Variants in TRIM33 observed in about 807,000 individuals in gnomAD.
TRIM33 encodes the protein E3 ubiquitin-protein ligase TRIM33.
Under a neutral mutation model 125.4 loss-of-function variants are expected in TRIM33, and 20 were observed. The observed-to-expected ratio is 0.16, with a 90% confidence interval of 0.11 to 0.23. TRIM33 has a LOEUF of 0.23. Ranked by LOEUF, TRIM33 falls within the 10% of genes least tolerant of loss-of-function variation. TRIM33 has a pLI of 1.00. For synonymous variants in TRIM33, 564 were observed against 513.9 expected (o/e 1.10, Z -1.32); for missense variants, 920 against 1,411.4 (o/e 0.65, Z 5.58).
In TRIM33 at chr1:114,507,574, C is replaced by CT. The variant is rs574041728; in HGVS notation, c.526+2976_526+2977insA. ...GTATTGTTGAAGCATTTCTCAGTTACAAAGCATTTTCACATTTATTATTTG... is the reference window on the plus strand; with the variant it reads ...GTATTGTTGAAGCATTTCTCAGTTACTAAAGCATTTTCACATTTATTATTTG... On this transcript the variant is annotated intron_variant, in intron 1 of 19. Transcript: ENST00000358465. Among the ~76,000 whole-genome samples, 332 of 152,256 alleles carry CT rather than the reference C, an allele frequency of 2.2e-3. 2 individuals are homozygous for CT. Among genetic ancestry groups the CT allele is most frequent in the Admixed American group, 5.6e-3 (85 of 15,292 alleles).
At chr1:114,461,438 C>G (rs1253166154) in intron 4 of TRIM33, among the ~76,000 whole-genome samples, 1 of 151,144 alleles carries the variant, frequency 6.6e-6, no homozygotes, top group Non-Finnish European at 1.5e-5. Flanking sequence ...TAGACGGCGA[C>G]AGAACTGAAC....
At chr1:114,461,083 C>T (rs1218268482) in intron 4 of TRIM33, among the ~76,000 whole-genome samples, 1 of 151,654 alleles carries the variant, frequency 6.6e-6, no homozygotes, top group East Asian at 1.9e-4. Context: ...CAGTGGCTCA[C>T]ATCTGTAATC....
chr1:114,440,141 T>C (rs998699690), intron 4 of TRIM33, among the ~76,000 whole-genome samples: 7 of 152,026 alleles, frequency 4.6e-5, no homozygotes, highest in African/African-American at 1.7e-4. Context: ...ACAATAACAA[T>C]GATTCTGTGG....
In TRIM33 at chr1:114,464,882, G is replaced by A. The variant is rs555767467; in HGVS notation, c.527-494C>T. Among the ~76,000 whole-genome samples the A allele has an allele frequency of 1.1e-4, 17 of 152,150 alleles. No homozygotes were observed. In the East Asian group the frequency reaches 2.3e-3, roughly 21 times the overall value. ...CACTTTATAGATGAAGGAAGAAGCC[G>A]GAGAAAAGAAAGACAGGCAACCACT... On this transcript the variant is annotated intron_variant, in intron 1 of 19. Transcript: ENST00000358465.
chr1:114,457,481 C>G (rs2101345581), intron 4 of TRIM33, among the ~76,000 whole-genome samples: 1 of 152,290 alleles, frequency 6.6e-6, no homozygotes, highest in East Asian at 1.9e-4. Context: ...AAATTCAAAA[C>G]AGCCATAATA....
At chr1:114,429,866 C>T (rs959442597) in intron 6 of TRIM33, among the ~76,000 whole-genome samples, 9 of 152,050 alleles carry the variant, frequency 5.9e-5, no homozygotes, top group Non-Finnish European at 1.3e-4. Flanking sequence ...CAGAAAACTC[C>T]TATTTGAAAT....
intron 4 of TRIM33, among the ~76,000 whole-genome samples, chr1:114,446,955 T>C (rs144537096): frequency 2.0e-5 from 3 of 152,194 alleles, no homozygotes; most frequent in Non-Finnish European, 4.4e-5. Context: ...GCAGAAGGAT[T>C]GCTTAAACCC....
intron 4 of TRIM33, among the ~76,000 whole-genome samples, chr1:114,435,599 G>T (rs1209029742): frequency 6.6e-6 from 1 of 152,172 alleles, no homozygotes; most frequent in African/African-American, 2.4e-5. Context: ...TTAGTAGTGG[G>T]ATACAAGAGG....
rs771508148 is a variant in TRIM33, at chr1:114,464,369, T to C, written c.546A>G (p.Pro182=). The change falls in exon 2 of 20, where the codon CCA becomes CCG. Residue 182 remains proline, a synonymous_variant. Coordinates refer to ENST00000358465, the MANE Select transcript of TRIM33 (RefSeq NM_015906.4). ...TCTGTCTGCATTCTTGGCGGCATAC[T>C]GGGCACCGTATTACACCAACTACAA... ...DIQQVGVIRC[P]VCRQECRQID... 5.0e-6 allele frequency: 8 copies of C among 1,601,954 alleles called. No homozygotes were observed. The African/African-American group carries it at 9.4e-5, about 19-fold the overall frequency.
intron 1 of TRIM33, among the ~76,000 whole-genome samples, chr1:114,493,598 T>C (rs1652198218): frequency 6.6e-6 from 1 of 152,180 alleles, no homozygotes. Context: ...TGATATATTT[T>C]GAGTTAACTT....
At position 114,405,544 on chromosome 1, in the gene TRIM33, G is replaced by A; in HGVS notation, c.2634C>T (p.Gly878=). Reference sequence around the variant, plus strand: ...CATTTGGGTCATCATCTTTATTGTTGCCATCTCCTCCAATCCTTGCCGACC... The same window carrying A: ...CATTTGGGTCATCATCTTTATTGTTACCATCTCCTCCAATCCTTGCCGACC... The part of the protein sequence containing the change: ...MHRSARIGGD[G]NNKDDDPNED... The change falls in exon 15 of 20, where the codon GGC becomes GGT. Residue 878 remains glycine (G), a synonymous_variant. Coordinates refer to ENST00000358465, the MANE Select transcript of TRIM33 (RefSeq NM_015906.4). The A allele has an allele frequency of 6.2e-7, 1 of 1,614,184 alleles. No homozygotes were observed. Among genetic ancestry groups the A allele is most frequent in the Non-Finnish European group, 8.5e-7 (1 of 1,180,028 alleles).
At chr1:114,483,755 C>T (rs1480210250) in intron 1 of TRIM33, among the ~76,000 whole-genome samples, 3 of 152,056 alleles carry the variant, frequency 2.0e-5, no homozygotes, top group Non-Finnish European at 2.9e-5. Context: ...AGAAATAATA[C>T]AAACCTCAAA....
In TRIM33 at chr1:114,511,116, C is replaced by A. The variant is rs1418885898; in HGVS notation, c.-40G>T. The A allele has an allele frequency of 3.6e-5, 41 of 1,131,888 alleles. No homozygotes were observed. The highest frequency in any genetic ancestry group is 4.0e-5 in the Non-Finnish European group (37 of 927,404). 70.1% of individuals were successfully genotyped at this position (1,131,888 alleles called of 1,614,324 possible). A position where few individuals can be genotyped will look rare whatever the true frequency, so the allele number is the denominator to read the frequency against. On this transcript the variant is annotated 5_prime_UTR_variant, in exon 1 of 20. Transcript: ENST00000358465. ...ACCCGCCGGACCGCCCCGCGCCGCC[C>A]GCCGCCCGCGTCGCCGCCGCCGCCG...
At chr1:114,502,350 G>A (rs926610442) in intron 1 of TRIM33, among the ~76,000 whole-genome samples, 1 of 152,090 alleles carries the variant, frequency 6.6e-6, no homozygotes, top group Non-Finnish European at 1.5e-5. Flanking sequence ...CTCTCTTACA[G>A]TCTTAGTTAC....
rs988104427 is a variant in TRIM33, at chr1:114,500,957, G to A, written c.526+9594C>T. 5.5e-5 allele frequency among the ~76,000 whole-genome samples: 7 copies of A among 128,114 alleles called. 1 individual carries two copies. In the East Asian group the frequency reaches 9.7e-4, roughly 18 times the overall value. 84.0% of individuals were successfully genotyped at this position (128,114 alleles called of 152,430 possible). ...TGTAATCCCAGCACTTTGGGAGGCC[G>A]AGGCGGGCGGATCACGAGGTCAGGA... On this transcript the variant is annotated intron_variant, in intron 1 of 19. Transcript: ENST00000358465.
At chr1:114,423,902 T>A (rs1647373378) in intron 10 of TRIM33, among the ~76,000 whole-genome samples, 1 of 152,144 alleles carries the variant, frequency 6.6e-6, no homozygotes, top group South Asian at 2.1e-4. Flanking sequence ...CTGACAAGGT[T>A]GCCCACTCCA....
chr1:114,407,318 A>AC (rs2101100917), intron 13 of TRIM33, among the ~76,000 whole-genome samples: 1 of 152,212 alleles, frequency 6.6e-6, no homozygotes, highest in Non-Finnish European at 1.5e-5. Flanking sequence ...CCCTAAAAAC[A>AC]CATTTTATGG....
intron 2 of TRIM33, 49 bp from the exon 3 acceptor site, chr1:114,463,605 A>G: frequency 2.7e-6 from 3 of 1,113,758 alleles, no homozygotes; most frequent in Non-Finnish European, 3.9e-6. Context: ...TAAAATCTAG[A>G]TCTAAAAAAA....
In TRIM33 at chr1:114,493,912, C is replaced by T. The variant is rs182109352; in HGVS notation, c.526+16639G>A. On this transcript the variant is annotated intron_variant, in intron 1 of 19. Transcript: ENST00000358465. ...CACGATCTCGGCTCACTGCAACCTC[C>T]GCCTCCTGATTCAAGCGATTCTCCT... 3.8e-3 allele frequency among the ~76,000 whole-genome samples: 574 copies of T among 152,224 alleles called. 15 individuals are homozygous for T. The highest frequency in any genetic ancestry group is 0.033 in the Admixed American group (507 of 15,292).
Sources: gnomAD v4.1 joint callset for allele counts (sites outside exome capture counted in the v4.1 genomes callset) on GRCh38, gnomAD v4.1.1 for gene constraint, MANE v1.5 for transcripts, NCBI Gene and HGNC (gene_info 2026-07-23, HGNC 2026-07-21) for gene names.